Variants in CNDP1 observed in about 807,000 individuals in gnomAD.
CNDP1 encodes the protein beta-Ala-His dipeptidase.
Under a neutral mutation model 58.1 loss-of-function variants are expected in CNDP1, and 44 were observed. The observed-to-expected ratio is 0.76, with a 90% CI of 0.60 to 0.97. The LOEUF (loss-of-function observed/expected upper bound fraction) is 0.97. Among genes scored for constraint, CNDP1 ranks in the 50% least tolerant of loss-of-function variants. The pLI, the probability that CNDP1 is intolerant of heterozygous loss-of-function variation, is 0.00. For synonymous variants in CNDP1, 254 were observed against 252.6 expected, an observed-to-expected ratio of 1.01 and a Z score of -0.05; for missense variants, 616 against 655.1, an observed-to-expected ratio of 0.94 and a Z score of 0.65.
chr18:74,582,320 T>C (rs1981809814), intron 10 of CNDP1, among the ~76,000 whole-genome samples: 1 of 152,238 alleles, frequency 6.6e-6, no homozygotes, highest in East Asian at 1.9e-4. Flanking sequence ...CTGGTTTCTT[T>C]GTTTCATTTT....
chr18:74,556,494 C>T (rs751318789), intron 2 of CNDP1, 28 bp downstream of exon 2: 6 of 1,612,480 alleles, frequency 3.7e-6, no homozygotes, highest in Non-Finnish European at 5.1e-6. Flanking sequence ...CACAACTACA[C>T]ACAGAATGCT....
intron 7 of CNDP1, among the ~76,000 whole-genome samples, chr18:74,575,730 T>TGGGTGTGC (rs1463336370): frequency 6.6e-6 from 1 of 152,040 alleles, no homozygotes; most frequent in Non-Finnish European, 1.5e-5. Flanking sequence ...ATACTCTGTG[T>TGGGTGTGC]GTGTGTGCGT....
chr18:74,580,080 G>T, intron 9 of CNDP1, 50 bp from the exon 10 acceptor site: 1 of 1,532,284 alleles, frequency 6.5e-7, no homozygotes, highest in South Asian at 1.1e-5. Flanking sequence ...TTAACTGTAT[G>T]AGAGAATAAC....
intron 9 of CNDP1, among the ~76,000 whole-genome samples, chr18:74,579,203 GCCTTCCCTTCCCTTC>G (rs1555743780): frequency 5.8e-4 from 73 of 125,632 alleles, no homozygotes; most frequent in Middle Eastern, 4.3e-3. Context: ...CCCTTCCCTT[GCCTTCCCTTCCCTTC>G]CCTTCCCTTC....
At position 74,567,360 on chromosome 18, in the gene CNDP1, A is replaced by T. The variant is rs1159469895; in HGVS notation, c.683A>T (p.Asp228Val). The T allele has an allele frequency of 6.2e-7, 1 of 1,614,068 alleles. No individual in the cohort carries two copies. Among genetic ancestry groups the T allele is most frequent in the African/African-American group, 1.3e-5 (1 of 74,928 alleles). Residue 228 changes from aspartate (D) to valine (V), a missense_variant, in exon 6 of 12, where the codon GAT becomes GTT. Coordinates refer to ENST00000358821, the MANE Select transcript of CNDP1 (RefSeq NM_032649.6). Reference protein sequence around the residue: ...FSGVDYIVISDNLWISQRKPA... With the variant: ...FSGVDYIVISVNLWISQRKPA... Reference sequence around the variant, plus strand: ...GGTGTGGACTACATTGTAATTTCAGATAACCTGTGGATCAGCCAAAGGAAG... The same window carrying T: ...GGTGTGGACTACATTGTAATTTCAGTTAACCTGTGGATCAGCCAAAGGAAG...
At position 74,545,310 on chromosome 18, in the gene CNDP1, G is replaced by C. The variant is rs1980731854; in HGVS notation, c.24+10619G>C. Among the ~76,000 whole-genome samples the C allele has an allele frequency of 6.6e-6, 1 of 152,208 alleles. No individual in the cohort carries two copies. Among genetic ancestry groups the C allele is most frequent in the Non-Finnish European group, 1.5e-5 (1 of 68,040 alleles). The stretch of plus-strand genomic sequence containing the variant: ...AAGGTGGCCTGAGATGCCATCGCCA[G>C]AGGTGGCCAAGCCCTGGAGTCCACC... On this transcript the variant is annotated intron_variant, in intron 1 of 11. Coordinates refer to ENST00000358821, the MANE Select transcript of CNDP1 (RefSeq NM_032649.6). The surrounding 1 kb of genome is among the most constrained non-coding windows in gnomAD (Gnocchi z 4.1).
chr18:74,534,789 A>G, intron 1 of CNDP1, 98 bp downstream of exon 1: 2 of 1,392,076 alleles, frequency 1.4e-6, no homozygotes, highest in Non-Finnish European at 2.0e-6. Context: ...CAGGGCAGGC[A>G]CCCAGCGTGG....
Position 74,582,238 on chromosome 18 carries a change from C to T in CNDP1, c.1310-1323C>T, listed in dbSNP as rs114549650. Among the ~76,000 whole-genome samples the T allele has an allele frequency of 3.4e-3, 514 of 152,300 alleles. 3 individuals carry two copies. Among genetic ancestry groups the T allele is most frequent in the African/African-American group, 0.011 (461 of 41,556 alleles). On this transcript the variant is annotated intron_variant, in intron 10 of 11. Transcript: ENST00000358821. The stretch of plus-strand genomic sequence containing the variant: ...CTATTTGTGTGCTAAACTGGTTCTG[C>T]GAACGAGGCACATCACTTCGATTCA...
intron 7 of CNDP1, among the ~76,000 whole-genome samples, chr18:74,571,735 C>G (rs561283246): frequency 4.9e-4 from 74 of 152,298 alleles, no homozygotes; most frequent in African/African-American, 1.7e-3. Context: ...AAGCGACACA[C>G]CAGGTGAGGC....
intron 1 of CNDP1, 61 bp from the exon 2 acceptor site, chr18:74,556,277 G>A: frequency 6.3e-7 from 1 of 1,584,704 alleles, no homozygotes; most frequent in Non-Finnish European, 8.6e-7. Context: ...AATTTGGAAG[G>A]TCCGAAGTCC....
At position 74,560,844 on chromosome 18, in the gene CNDP1, A is replaced by T. The variant is rs758551870; in HGVS notation, c.304-12A>T. The T allele has an allele frequency of 1.9e-6, 3 of 1,607,756 alleles. No individual in the cohort carries two copies. Among genetic ancestry groups the T allele is most frequent in the South Asian group, 2.2e-5 (2 of 90,966 alleles). ...AGCATTTTTGAAAATGTGATTCCTG[A>T]TCATTCTGCAGCTGCCCGATGGTCA... On this transcript the variant is annotated splice_polypyrimidine_tract_variant and intron_variant, in intron 3 of 11. Transcript: ENST00000358821.
At chr18:74,551,475 T>G (rs1052715129) in intron 1 of CNDP1, among the ~76,000 whole-genome samples, 1 of 152,082 alleles carries the variant, frequency 6.6e-6, no homozygotes, top group Admixed American at 6.6e-5. Flanking sequence ...GCGGGATTCA[T>G]GTCCAAAGTC....
chr18:74,547,030 G>C (rs185157383), intron 1 of CNDP1, among the ~76,000 whole-genome samples: 1 of 152,298 alleles, frequency 6.6e-6, no homozygotes, highest in Admixed American at 6.5e-5. Context: ...CCACGCCCTT[G>C]CTGACTCCTC....
At chr18:74,552,520 C>A (rs192139480) in intron 1 of CNDP1, among the ~76,000 whole-genome samples, 2 of 152,254 alleles carry the variant, frequency 1.3e-5, no homozygotes, top group East Asian at 3.9e-4. Context: ...AATACATGGC[C>A]GTTGTGTCTG....
rs138000114 is a variant in CNDP1, at chr18:74,539,668, C to T, written c.24+4977C>T. On this transcript the variant is annotated intron_variant, in intron 1 of 11. Coordinates refer to ENST00000358821, the MANE Select transcript of CNDP1 (RefSeq NM_032649.6). Reference sequence around the variant, plus strand: ...GGGATCAGTGGCGTTATTGCAAGCGCGGTGGCCATGAGCTCAGGTTGGCCC... The same window carrying T: ...GGGATCAGTGGCGTTATTGCAAGCGTGGTGGCCATGAGCTCAGGTTGGCCC... 2.1e-3 allele frequency among the ~76,000 whole-genome samples: 324 copies of T among 152,336 alleles called. 2 individuals carry two copies. The highest frequency in any genetic ancestry group is 7.2e-3 in the African/African-American group (301 of 41,574).
rs778570353 is a variant in CNDP1, at chr18:74,545,879, G to A, written c.25-10459G>A. On this transcript the variant is annotated intron_variant, in intron 1 of 11. Transcript: ENST00000358821. The surrounding 1 kb of genome is among the most constrained non-coding windows in gnomAD (Gnocchi z 4.1). The stretch of plus-strand genomic sequence containing the variant: ...GTTCGCCTTGGGTTTTGGCTCCAGC[G>A]TCAGGCACAGCCTCATGGATCCCTT... 2.6e-5 allele frequency among the ~76,000 whole-genome samples: 4 copies of A among 152,074 alleles called. No homozygotes were observed. The highest frequency in any genetic ancestry group is 4.4e-5 in the Non-Finnish European group (3 of 68,026).
intron 1 of CNDP1, among the ~76,000 whole-genome samples, chr18:74,539,158 A>G (rs1372121195): frequency 7.1e-6 from 1 of 140,102 alleles, no homozygotes; most frequent in African/African-American, 2.6e-5. Context: ...TCTTCCTACA[A>G]CAAGGTTTCT....
intron 7 of CNDP1, among the ~76,000 whole-genome samples, chr18:74,572,099 T>G (rs1474787300): frequency 1.3e-5 from 2 of 152,116 alleles, no homozygotes; most frequent in Admixed American, 1.3e-4. Context: ...ACCACTTGGC[T>G]TCATTTTTCA....
chr18:74,568,845 G>A (rs1368093359), intron 6 of CNDP1, among the ~76,000 whole-genome samples: 2 of 152,144 alleles, frequency 1.3e-5, no homozygotes, highest in Non-Finnish European at 1.5e-5. Context: ...CAAATTGCTG[G>A]CTTTCTGCAG....
Sources: allele counts gnomAD v4.1 joint callset (sites outside exome capture counted in the v4.1 genomes callset), GRCh38; gene constraint gnomAD v4.1.1; non-coding constraint Gnocchi (gnomAD v3.1); transcripts MANE v1.5; gene names NCBI Gene and HGNC (gene_info 2026-07-23, HGNC 2026-07-21).